BID: variants seen among roughly 807,000 people sequenced by gnomAD.
BID encodes BH3-interacting domain death agonist.
A neutral mutation model predicts 17.4 loss-of-function variants in BID; 19 were observed. The ratio of observed to expected loss-of-function variants is 1.09; its 90% confidence interval spans 0.76 to 1.60. The LOEUF (loss-of-function observed/expected upper bound fraction) is 1.60. Ranked by LOEUF, BID falls within the 40% of genes most tolerant of loss-of-function variation. The pLI is 0.00. For missense variants in BID, 226 were observed against 256.0 expected (o/e 0.88, Z 0.80); for synonymous variants, 108 against 102.8 (o/e 1.05, Z -0.31).
chr22:17,762,586 TG>T (rs1389846679), intron 1 of BID, among the ~76,000 whole-genome samples: 1 of 103,946 alleles, frequency 9.6e-6, no homozygotes, highest in Admixed American at 9.6e-5. Flanking sequence ...GGTCTCACTC[TG>T]TCAAGCAGGC....
rs575458728 is a variant in BID at position 17,757,685 on chromosome 22, C to G, written c.-58-7511G>C. On this transcript the variant is annotated intron_variant, in intron 1 of 5. Coordinates refer to ENST00000622694, the MANE Select transcript of BID (RefSeq NM_001196.4). The stretch of plus-strand genomic sequence containing the variant: ...GATAGCGCCACTGTACTCCAGCCTG[C>G]GCGACAGAGCGAGACTCCGTCTCAA... Among the ~76,000 whole-genome samples, 650 of 143,174 alleles carry G rather than the reference C, an allele frequency of 4.5e-3. 3 individuals carry two copies. The highest frequency in any genetic ancestry group is 4.5e-3 in the Non-Finnish European group (301 of 67,062). 93.9% of individuals were successfully genotyped at this position (143,174 alleles called of 152,430 possible).
rs443912 is a variant in BID, at chr22:17,774,372, T to G, written c.-59+9A>C. The stretch of plus-strand genomic sequence containing the variant: ...GCGCGTACCCCGGGAGGGGCGCGGG[T>G]GCACTCACCACCCTCCAGCCGCGGG... On this transcript the variant is annotated intron_variant, in intron 1 of 5. Coordinates refer to ENST00000622694, the MANE Select transcript of BID (RefSeq NM_001196.4). The G allele has an allele frequency of 0.7, 130,672 of 187,188 alleles. 46,152 individuals carry two copies. Among genetic ancestry groups the G allele is most frequent in the South Asian group, 0.76 (10,849 of 14,322 alleles). The allele number at this position is 187,188 out of a possible 1,614,324, so 11.6% of individuals were successfully genotyped here.
chr22:17,744,819 C>T (rs1459844785), intron 2 of BID, among the ~76,000 whole-genome samples: 1 of 152,034 alleles, frequency 6.6e-6, no homozygotes, highest in African/African-American at 2.4e-5. Flanking sequence ...CTGGGTGTGC[C>T]CAGACCAGAG....
chr22:17,773,858 C>A lies in BID; in HGVS notation c.-59+523G>T. On this transcript the variant is annotated intron_variant, in intron 1 of 5. Coordinates refer to ENST00000622694, the MANE Select transcript of BID (RefSeq NM_001196.4). This position sits in a 1 kb window ranked among gnomAD's most constrained non-coding sequence, Gnocchi z 4.4. ...GCCAGTGCTCTAAGGAGCGGGCGAG[C>A]CCCAGTAAGCGGCCGCTCTGACCGC... is the stretch of plus-strand genomic sequence containing the variant. 1.4e-6 allele frequency: 1 copy of A among 697,288 alleles called. No individual in the cohort carries two copies. Among genetic ancestry groups the A allele is most frequent in the Non-Finnish European group, 2.4e-6 (1 of 418,492 alleles). The allele number at this position is 697,288 out of a possible 1,614,324, so 43.2% of individuals were successfully genotyped here.
chr22:17,747,470 G>A (rs2061502000), intron 2 of BID, among the ~76,000 whole-genome samples: 1 of 152,012 alleles, frequency 6.6e-6, no homozygotes, highest in Non-Finnish European at 1.5e-5. Context: ...ACAGGCACGT[G>A]CCACCACGCC....
chr22:17,736,138 T>C (rs1359075568), intron 5 of BID, among the ~76,000 whole-genome samples: 3 of 152,294 alleles, frequency 2.0e-5, no homozygotes, highest in South Asian at 2.1e-4. Flanking sequence ...AACCAAAGCC[T>C]GAAGTAATGC....
intron 3 of BID, chr22:17,741,084 T>C (rs1371135408): frequency 6.6e-6 from 1 of 152,212 alleles, no homozygotes. Flanking sequence ...AAATCTCACC[T>C]TATGTTGCAA....
At position 17,773,764 on chromosome 22, in the gene BID, A is replaced by G. The variant is rs1412239242; in HGVS notation, c.-59+617T>C. 9.4e-5 allele frequency: 135 copies of G among 1,440,544 alleles called. No homozygotes were observed. Among genetic ancestry groups the G allele is most frequent in the Non-Finnish European group, 1.2e-5 (13 of 1,050,086 alleles). The allele number at this position is 1,440,544 out of a possible 1,614,324, so 89.2% of individuals were successfully genotyped here. A position where few individuals can be genotyped will look rare whatever the true frequency, so the allele number is the denominator to read the frequency against. On this transcript the variant is annotated intron_variant, in intron 1 of 5. Coordinates refer to ENST00000622694, the MANE Select transcript of BID (RefSeq NM_001196.4). This position sits in a 1 kb window ranked among gnomAD's most constrained non-coding sequence, Gnocchi z 4.4. ...TGGCTGAGGGCTTCAGAGCTCTCCC[A>G]GGGTCCCCTGGGGTCATTCAGCCAC...
chr22:17,741,463 C>A (rs1440736958), intron 3 of BID, among the ~76,000 whole-genome samples: 1 of 151,854 alleles, frequency 6.6e-6, no homozygotes, highest in Non-Finnish European at 1.5e-5. Flanking sequence ...CAACTACTCA[C>A]TGTAGCTTTT....
chr22:17,740,229 C>CAAA, intron 3 of BID: 1 of 1,513,434 alleles, frequency 6.6e-7, no homozygotes, highest in Non-Finnish European at 9.1e-7. Flanking sequence ...CTGTTTTGTC[C>CAAA]ACTGACAAAT....
intron 1 of BID, among the ~76,000 whole-genome samples, chr22:17,760,231 A>G (rs2061627098): frequency 6.6e-6 from 1 of 151,482 alleles, no homozygotes. Flanking sequence ...AGATCACTTG[A>G]GGTCAAGCGT....
intron 1 of BID, among the ~76,000 whole-genome samples, chr22:17,770,533 G>A (rs535117879): frequency 7.9e-5 from 12 of 152,344 alleles, no homozygotes; most frequent in Non-Finnish European, 1.8e-4. Context: ...GAATGAATGT[G>A]AGGAATAAAA....
At chr22:17,752,226 G>T (rs2061544949) in intron 1 of BID, among the ~76,000 whole-genome samples, 1 of 152,190 alleles carries the variant, frequency 6.6e-6, no homozygotes, top group Non-Finnish European at 1.5e-5. Context: ...GTCTCATGCA[G>T]TGTTTCTCTG....
chr22:17,766,957 C>T (rs1390830263), intron 1 of BID, among the ~76,000 whole-genome samples: 1 of 151,828 alleles, frequency 6.6e-6, no homozygotes, highest in Non-Finnish European at 1.5e-5. Context: ...GGCGTGGTGG[C>T]TCACGCCTGT....
chr22:17,734,645 T>C lies in BID; in HGVS notation c.*935A>G, dbSNP rs2061407329. 1 of 152,254 alleles carries C rather than the reference T, an allele frequency of 6.6e-6. No homozygotes were observed. The highest frequency in any genetic ancestry group is 2.4e-5 in the African/African-American group (1 of 41,472). 9.4% of individuals were successfully genotyped at this position (152,254 alleles called of 1,614,324 possible). A position where few individuals can be genotyped will look rare whatever the true frequency, so the allele number is the denominator to read the frequency against. On this transcript the variant is annotated 3_prime_UTR_variant, in exon 6 of 6. Transcript: ENST00000622694. ...AGTCCAACTGCTCTTTCATCTTTTA[T>C]GCTTAGAAACCTGTTCTCTCCAGAT...
intron 1 of BID, among the ~76,000 whole-genome samples, chr22:17,764,781 G>T (rs2061666669): frequency 6.6e-6 from 1 of 152,114 alleles, no homozygotes; most frequent in Non-Finnish European, 1.5e-5. Context: ...ACCATTGAGG[G>T]TTGCTTTGAT....
chr22:17,740,228 C>CAGTGGA, intron 3 of BID: 1 of 1,531,764 alleles, frequency 6.5e-7, no homozygotes, highest in Non-Finnish European at 8.9e-7. Flanking sequence ...TCTGTTTTGT[C>CAGTGGA]CACTGACAAA....
chr22:17,753,108 A>G (rs1292880254), intron 1 of BID, among the ~76,000 whole-genome samples: 2 of 148,578 alleles, frequency 1.3e-5, no homozygotes, highest in African/African-American at 5.0e-5. Context: ...CTAGGACTAC[A>G]GGCGCCCACC....
intron 1 of BID, among the ~76,000 whole-genome samples, chr22:17,762,433 T>C (rs562798525): frequency 3.9e-4 from 59 of 152,182 alleles, no homozygotes; most frequent in African/African-American, 1.4e-3. Flanking sequence ...AAGGCAGAGG[T>C]TGCAGTGAGC....
Sources: gnomAD v4.1 joint callset for allele counts (sites outside exome capture counted in the v4.1 genomes callset) on GRCh38, gnomAD v4.1.1 for gene constraint, Gnocchi (gnomAD v3.1) non-coding constraint, MANE v1.5 for transcripts, NCBI Gene and HGNC (gene_info 2026-07-23, HGNC 2026-07-21) for gene names.